GABRB2: variants seen among roughly 807,000 people sequenced by gnomAD.
GABRB2 encodes gamma-aminobutyric acid type A receptor subunit beta2.
GABRB2 carries 16 observed loss-of-function variants against 54.7 expected under a neutral mutation model. The observed-to-expected ratio is 0.29, with a 90% confidence interval of 0.20 to 0.44. The LOEUF is 0.44. GABRB2 is among the 20% of genes least tolerant of loss of function. The pLI is 1.00. For missense variants in GABRB2, 355 were observed against 644.0 expected, an observed-to-expected ratio of 0.55 and a Z score of 4.86; for synonymous variants, 244 against 233.8, an observed-to-expected ratio of 1.04 and a Z score of -0.40.
chr5:161,330,755 T>C, intron 8 of GABRB2, 128 bp downstream of exon 8: 1 of 1,308,574 alleles, frequency 7.6e-7, no homozygotes, highest in Non-Finnish European at 1.1e-6. Flanking sequence ...TTTGTGTGCT[T>C]TGGGGAAAAT....
chr5:161,303,690 C>T (rs1757602351), intron 9 of GABRB2, among the ~76,000 whole-genome samples: 1 of 152,126 alleles, frequency 6.6e-6, no homozygotes, highest in African/African-American at 2.4e-5. Context: ...CCTTCGAAAG[C>T]ATGAGCTGCC....
At chr5:161,516,360 T>C (rs1016699808) in intron 3 of GABRB2, among the ~76,000 whole-genome samples, 7 of 152,126 alleles carry the variant, frequency 4.6e-5, no homozygotes, top group African/African-American at 1.7e-4. Flanking sequence ...TTGCCACCCC[T>C]GCTTTGCAGA....
At chr5:161,479,081 A>C (rs945262734) in intron 3 of GABRB2, among the ~76,000 whole-genome samples, 1 of 152,086 alleles carries the variant, frequency 6.6e-6, no homozygotes, top group African/African-American at 2.4e-5. Flanking sequence ...CAAAAAATAC[A>C]CTTAGTCAAG....
At chr5:161,527,585 T>C (rs1760322464) in intron 3 of GABRB2, among the ~76,000 whole-genome samples, 1 of 151,378 alleles carries the variant, frequency 6.6e-6, no homozygotes, top group Admixed American at 6.6e-5. Context: ...TGATATAGGC[T>C]CAATAGCCTT....
At chr5:161,456,959 A>G (rs950612721) in intron 4 of GABRB2, among the ~76,000 whole-genome samples, 3 of 152,226 alleles carry the variant, frequency 2.0e-5, no homozygotes, top group Admixed American at 1.3e-4. Context: ...TAGAAATTAA[A>G]TAGAATAAAA....
At chr5:161,517,792 A>T (rs566528040) in intron 3 of GABRB2, among the ~76,000 whole-genome samples, 2 of 149,046 alleles carry the variant, frequency 1.3e-5, no homozygotes, top group East Asian at 1.9e-4. Flanking sequence ...GCAACTGAAA[A>T]TTTCTGATTT....
Position 161,393,083 on chromosome 5 carries a change from T to A in GABRB2, c.541+17892A>T, listed in dbSNP as rs534325513. 1.8e-3 allele frequency among the ~76,000 whole-genome samples: 276 copies of A among 151,526 alleles called. 2 individuals carry two copies. The highest frequency in any genetic ancestry group is 5.1e-3 in the African/African-American group (213 of 41,378). On this transcript the variant is annotated intron_variant, in intron 5 of 9. Coordinates refer to ENST00000393959, the MANE Select transcript of GABRB2 (RefSeq NM_001371727.1). ...AAATTTCTTACACAGATCTTTTTTT[T>A]AAAAAATAAAAAAATAAAAACATGA...
At chr5:161,355,227 ATGT>A (rs2113441710) in intron 5 of GABRB2, among the ~76,000 whole-genome samples, 1 of 151,072 alleles carries the variant, frequency 6.6e-6, no homozygotes, top group African/African-American at 2.4e-5. Context: ...CTGAACTAGA[ATGT>A]AAATTCCTAG....
intron 5 of GABRB2, among the ~76,000 whole-genome samples, chr5:161,402,993 G>T (rs1484566921): frequency 6.6e-6 from 1 of 152,134 alleles, no homozygotes; most frequent in Non-Finnish European, 1.5e-5. Flanking sequence ...ATGCAGCAAG[G>T]TTGAGAACGT....
chr5:161,348,254 T>A (rs1383365315), intron 5 of GABRB2, among the ~76,000 whole-genome samples: 1 of 152,054 alleles, frequency 6.6e-6, no homozygotes, highest in African/African-American at 2.4e-5. Context: ...TATCATTAAT[T>A]AATTGAAACC....
chr5:161,417,442 G>A (rs533006808), intron 4 of GABRB2, among the ~76,000 whole-genome samples: 1 of 152,266 alleles, frequency 6.6e-6, no homozygotes, highest in Non-Finnish European at 1.5e-5. Flanking sequence ...TGGTAGAGCT[G>A]GAATATGAAT....
intron 3 of GABRB2, among the ~76,000 whole-genome samples, chr5:161,526,220 G>A (rs552556335): frequency 4.2e-4 from 64 of 151,348 alleles, no homozygotes; most frequent in Non-Finnish European, 7.4e-4. Flanking sequence ...AAAATTGTTC[G>A]GTAAAGTAGA....
chr5:161,297,967 T>C (rs914487427), intron 9 of GABRB2, among the ~76,000 whole-genome samples: 3 of 152,200 alleles, frequency 2.0e-5, no homozygotes, highest in Non-Finnish European at 4.4e-5. Context: ...TTTTTAATGA[T>C]TGCCATTCTA....
rs549897864 is a variant in GABRB2 at position 161,315,756 on chromosome 5, C to T, written c.1191+10612G>A. On this transcript the variant is annotated intron_variant, in intron 9 of 9. Coordinates refer to ENST00000393959, the MANE Select transcript of GABRB2 (RefSeq NM_001371727.1). ...GTAATTATCAAGTCAGAGAAATCAACCACCTCAAACATGTATCATTTCCTT... is the reference window on the plus strand; with the variant it reads ...GTAATTATCAAGTCAGAGAAATCAATCACCTCAAACATGTATCATTTCCTT... Among the ~76,000 whole-genome samples the T allele has an allele frequency of 1.3e-4, 20 of 152,224 alleles. No individual in the cohort carries two copies. The Middle Eastern group carries it at 0.01, about 78-fold the overall frequency.
chr5:161,390,913 T>G (rs974034075), intron 5 of GABRB2, among the ~76,000 whole-genome samples: 2 of 152,156 alleles, frequency 1.3e-5, no homozygotes, highest in East Asian at 1.9e-4. Flanking sequence ...CACTTAACCA[T>G]GTGCATCTTC....
intron 5 of GABRB2, among the ~76,000 whole-genome samples, chr5:161,349,183 C>A (rs1754398080): frequency 6.6e-6 from 1 of 151,758 alleles, no homozygotes; most frequent in Non-Finnish European, 1.5e-5. Context: ...AATATTTATG[C>A]AAATCTGTTC....
At chr5:161,389,367 T>G (rs1327894310) in intron 5 of GABRB2, among the ~76,000 whole-genome samples, 1 of 152,048 alleles carries the variant, frequency 6.6e-6, no homozygotes, top group African/African-American at 2.4e-5. Context: ...TTCTACTGAC[T>G]CATGTTAACA....
intron 4 of GABRB2, among the ~76,000 whole-genome samples, chr5:161,446,002 T>C (rs1757604918): frequency 6.6e-6 from 1 of 152,156 alleles, no homozygotes; most frequent in Admixed American, 6.6e-5. Context: ...AGTGATGATA[T>C]TTCAATTCAA....
intron 5 of GABRB2, among the ~76,000 whole-genome samples, chr5:161,394,608 A>C (rs1755938591): frequency 6.6e-6 from 1 of 152,078 alleles, no homozygotes; most frequent in African/African-American, 2.4e-5. Flanking sequence ...AATGGAAAAA[A>C]ATTATTGAGA....
Sources: allele counts gnomAD v4.1 joint callset (sites outside exome capture counted in the v4.1 genomes callset), GRCh38; gene constraint gnomAD v4.1.1; transcripts MANE v1.5; gene names NCBI Gene and HGNC (gene_info 2026-07-23, HGNC 2026-07-21).